The following P2RX7 variants were observed in gnomAD, a reference collection of about 807,000 sequenced individuals.
P2RX7 encodes P2X purinoceptor 7.
In P2RX7, 62 loss-of-function variants were observed where a neutral mutation model predicts 71.6. The observed-to-expected ratio is 0.87, with a 90% CI of 0.71 to 1.07. P2RX7 has a LOEUF of 1.07. Among genes scored for constraint, P2RX7 ranks in the 50% least tolerant of loss-of-function variants. The pLI is 0.00. For synonymous variants in P2RX7, 299 were observed against 283.3 expected (o/e 1.06, Z -0.56); for missense variants, 686 against 748.5 (o/e 0.92, Z 0.97).
In P2RX7 at chr12:121,149,133, T is replaced by G. The variant is rs1876872229; in HGVS notation, c.126-5652T>G. ...GCCAGTGTAAGTCTGTGACAGTCAC[T>G]CATATTCAGAGCATGTGGATTGAGA... On this transcript the variant is annotated intron_variant, in intron 1 of 12. Transcript: ENST00000328963. The surrounding 1 kb of genome is among the most constrained non-coding windows in gnomAD (Gnocchi z 4.7). 1 of 519,720 alleles carries G rather than the reference T, an allele frequency of 1.9e-6. No individual in the cohort carries two copies. The allele number at this position is 519,720 out of a possible 1,614,324, so 32.2% of individuals were successfully genotyped here.
intron 9 of P2RX7, among the ~76,000 whole-genome samples, chr12:121,175,909 TC>T (rs1399938994): frequency 6.6e-6 from 1 of 152,080 alleles, no homozygotes; most frequent in Admixed American, 6.6e-5. Context: ...AACAACATCA[TC>T]ATCAAGAACT....
chr12:121,176,998 C>T (rs995453325), intron 9 of P2RX7, 149 bp from the exon 10 acceptor site: 37 of 682,794 alleles, frequency 5.4e-5, no homozygotes, highest in Admixed American at 3.2e-4. Flanking sequence ...TTTCAGTCTG[C>T]GTAGTCTCTG....
intron 12 of P2RX7, among the ~76,000 whole-genome samples, chr12:121,181,005 C>T (rs534472041): frequency 6.6e-6 from 1 of 151,942 alleles, no homozygotes; most frequent in South Asian, 2.1e-4. Flanking sequence ...AAATTACAAA[C>T]GAGGTCTCAC....
chr12:121,177,284 G>A lies in P2RX7; in HGVS notation c.1039-13G>A. The A allele has an allele frequency of 6.2e-7, 1 of 1,614,106 alleles. No individual in the cohort carries two copies. Among genetic ancestry groups the A allele is most frequent in the East Asian group, 2.2e-5 (1 of 44,890 alleles). The stretch of plus-strand genomic sequence containing the variant: ...GAAGTGACTAACGCAGCGCTTGTCT[G>A]CATTCTCCCCAGGCCGCTGTGTTCA... On this transcript the variant is annotated splice_polypyrimidine_tract_variant and intron_variant, in intron 10 of 12. Coordinates refer to ENST00000328963, the MANE Select transcript of P2RX7 (RefSeq NM_002562.6).
intron 1 of P2RX7, among the ~76,000 whole-genome samples, chr12:121,145,641 G>A (rs1876013028): frequency 1.3e-5 from 2 of 151,930 alleles, no homozygotes; most frequent in South Asian, 4.2e-4. Flanking sequence ...CAAGTAGCTG[G>A]GATTACAGGC....
At chr12:121,148,110 G>T (rs1274424086) in intron 1 of P2RX7, among the ~76,000 whole-genome samples, 2 of 152,064 alleles carry the variant, frequency 1.3e-5, no homozygotes, top group Admixed American at 6.6e-5. Context: ...ATATCTATTT[G>T]TGTGTCTAGG....
rs1192276364 is a variant in P2RX7 at position 121,186,520 on chromosome 12, G to T, written c.*1718G>T. On this transcript the variant is annotated 3_prime_UTR_variant, in exon 13 of 13. Coordinates refer to ENST00000328963, the MANE Select transcript of P2RX7 (RefSeq NM_002562.6). Reference sequence around the variant, plus strand: ...CAGGTAACTCACCAGACCAGCCTTGGAATCTATCAAATCTAACTGCTGAGC... The same window carrying T: ...CAGGTAACTCACCAGACCAGCCTTGTAATCTATCAAATCTAACTGCTGAGC... 1 of 152,224 alleles carries T rather than the reference G, an allele frequency of 6.6e-6. No individual in the cohort carries two copies. Among genetic ancestry groups the T allele is most frequent in the Non-Finnish European group, 1.5e-5 (1 of 68,076 alleles). 9.4% of individuals were successfully genotyped at this position (152,224 alleles called of 1,614,324 possible).
At position 121,150,538 on chromosome 12, in the gene P2RX7, G is replaced by A. The variant is rs545292441; in HGVS notation, c.126-4247G>A. 4.1e-4 allele frequency among the ~76,000 whole-genome samples: 63 copies of A among 152,364 alleles called. 1 individual carries two copies. In the South Asian group the frequency reaches 8.5e-3, roughly 21 times the overall value. ...TTTGTCTATGGAATTCTATTTAATA[G>A]CTATGTCTCGTATGTGCTGATTGGG... On this transcript the variant is annotated intron_variant, in intron 1 of 12. Coordinates refer to ENST00000328963, the MANE Select transcript of P2RX7 (RefSeq NM_002562.6).
intron 1 of P2RX7, 58 bp downstream of exon 1, chr12:121,133,153 C>T: frequency 6.3e-7 from 1 of 1,599,190 alleles, no homozygotes; most frequent in Non-Finnish European, 8.6e-7. Flanking sequence ...ACAGAAAGCC[C>T]CAGCGGGCAG....
rs765412870 is a variant in P2RX7, at chr12:121,154,997, G to A, written c.294+44G>A. On this transcript the variant is annotated intron_variant, in intron 2 of 12. Coordinates refer to ENST00000328963, the MANE Select transcript of P2RX7 (RefSeq NM_002562.6). This position sits in a 1 kb window ranked among gnomAD's most constrained non-coding sequence, Gnocchi z 4.2. ...TCTCCCAGGCTCGTCGCTGGTCACCGTCGCCAGGGCCTAGCTCCCTTCCCC... is the reference window on the plus strand; with the variant it reads ...TCTCCCAGGCTCGTCGCTGGTCACCATCGCCAGGGCCTAGCTCCCTTCCCC... 1.3e-5 allele frequency: 21 copies of A among 1,607,730 alleles called. No homozygotes were observed. The highest frequency in any genetic ancestry group is 5.3e-5 in the African/African-American group (4 of 74,886).
chr12:121,184,158 A>C, intron 12 of P2RX7, 147 bp from the exon 13 acceptor site: 1 of 896,072 alleles, frequency 1.1e-6, no homozygotes, highest in Non-Finnish European at 1.6e-6. Context: ...TACAGAACAC[A>C]TGCATGGTCC....
At chr12:121,142,842 A>G (rs1327350097) in intron 1 of P2RX7, among the ~76,000 whole-genome samples, 3 of 152,070 alleles carry the variant, frequency 2.0e-5, no homozygotes, top group Non-Finnish European at 4.4e-5. Context: ...TAATCTCAGC[A>G]CTTTGGGAGG....
At chr12:121,133,251 C>T (rs892030694) in intron 1 of P2RX7, among the ~76,000 whole-genome samples, 156 bp downstream of exon 1, 3 of 152,244 alleles carry the variant, frequency 2.0e-5, no homozygotes, top group Non-Finnish European at 4.4e-5. Flanking sequence ...GAAGCAGCAG[C>T]AGGCAAGAGG....
At chr12:121,181,435 G>A (rs1446897425) in intron 12 of P2RX7, among the ~76,000 whole-genome samples, 1 of 152,124 alleles carries the variant, frequency 6.6e-6, no homozygotes, top group Non-Finnish European at 1.5e-5. Flanking sequence ...ACATATGTTC[G>A]GTTTTAGGAG....
chr12:121,174,227 T>C (rs917379745), intron 8 of P2RX7, among the ~76,000 whole-genome samples: 2 of 151,892 alleles, frequency 1.3e-5, no homozygotes, highest in South Asian at 4.1e-4. Flanking sequence ...TTTGTATTTT[T>C]AGTAGAGATG....
At chr12:121,169,210 GC>G (rs778651911) in intron 8 of P2RX7, among the ~76,000 whole-genome samples, 19 of 152,092 alleles carry the variant, frequency 1.2e-4, no homozygotes, top group Non-Finnish European at 2.6e-4. Context: ...CAAGCAATCC[GC>G]CTGCCTTGGC....
rs1174057609 is a variant in P2RX7 at position 121,132,917 on chromosome 12, G to A, written c.-54G>A. On this transcript the variant is annotated 5_prime_UTR_variant, in exon 1 of 13. Coordinates refer to ENST00000328963, the MANE Select transcript of P2RX7 (RefSeq NM_002562.6). The stretch of plus-strand genomic sequence containing the variant: ...CTGGGAGGGGGCTTGCTGTGGCCCT[G>A]TCAGGAAGAGTAGAGCTCTGGTCCA... 2.5e-6 allele frequency: 4 copies of A among 1,608,648 alleles called. No homozygotes were observed. The highest frequency in any genetic ancestry group is 1.1e-5 in the South Asian group (1 of 90,902).
chr12:121,178,791 CAA>C (rs386377968), intron 11 of P2RX7, among the ~76,000 whole-genome samples: 3 of 66,510 alleles, frequency 4.5e-5, no homozygotes, highest in Non-Finnish European at 2.8e-5. Flanking sequence ...AACTCTGTCT[CAA>C]AAAAAAAAAA....
At chr12:121,134,379 GT>G (rs1873058864) in intron 1 of P2RX7, among the ~76,000 whole-genome samples, 1 of 152,014 alleles carries the variant, frequency 6.6e-6, no homozygotes. Context: ...GTCTTTTTGG[GT>G]TTTGTTGTTG....
Sources: gnomAD v4.1 joint callset for allele counts (sites outside exome capture counted in the v4.1 genomes callset) on GRCh38, gnomAD v4.1.1 for gene constraint, Gnocchi (gnomAD v3.1) non-coding constraint, MANE v1.5 for transcripts, NCBI Gene and HGNC (gene_info 2026-07-23, HGNC 2026-07-21) for gene names.